The following MTSS1 variants were observed in gnomAD, a reference collection of about 807,000 sequenced individuals.
MTSS1 encodes protein MTSS 1.
Under a neutral mutation model 79.0 loss-of-function variants are expected in MTSS1, and 18 were observed. That is an observed-to-expected ratio of 0.23 (90% CI 0.16 to 0.34). The LOEUF is 0.34. Ranked by LOEUF, MTSS1 falls within the 10% of genes least tolerant of loss-of-function variation. MTSS1 has a pLI of 1.00. For missense variants in MTSS1, 815 were observed against 986.2 expected, an observed-to-expected ratio of 0.83 and a Z score of 2.33; for synonymous variants, 341 against 368.6, an observed-to-expected ratio of 0.93 and a Z score of 0.86.
intron 10 of MTSS1, among the ~76,000 whole-genome samples, chr8:124,560,148 G>A (rs74398285): frequency 1.3e-5 from 2 of 152,304 alleles, no homozygotes; most frequent in East Asian, 3.9e-4. Context: ...GAAGATGGAA[G>A]GTTTGGATTT....
chr8:124,557,133 T>A (rs1237291219), intron 11 of MTSS1, among the ~76,000 whole-genome samples: 2 of 152,206 alleles, frequency 1.3e-5, no homozygotes, highest in African/African-American at 4.8e-5. Flanking sequence ...AGCAAACATG[T>A]TTGAACACTC....
intron 9 of MTSS1, chr8:124,563,309 C>T (rs927709303): frequency 5.6e-6 from 2 of 355,702 alleles, no homozygotes; most frequent in African/African-American, 4.3e-5. Context: ...TCAAGTGCGC[C>T]CAACTCTGCT....
Position 124,553,098 on chromosome 8 carries a change from C to T in MTSS1, c.2162G>A (p.Ser721Asn). The change falls in exon 14 of 14, where the codon AGC (serine) becomes AAC (asparagine). Residue 721 changes from serine to asparagine, a missense_variant. Transcript: ENST00000518547. This position sits in a 1 kb window ranked among gnomAD's most constrained non-coding sequence, Gnocchi z 6.0. ...TTCTCCTTGTGGAGTATCCCTTGGG[C>T]TCAGGTCTGCAGGGTCACTCTCTGG... ...QIPESDPADL[S>N]PRDTPQGEDM... 6.2e-7 allele frequency: 1 copy of T among 1,614,116 alleles called. No homozygotes were observed. The highest frequency in any genetic ancestry group is 1.7e-5 in the Admixed American group (1 of 60,010).
intron 3 of MTSS1, among the ~76,000 whole-genome samples, chr8:124,687,374 C>T (rs1050350404): frequency 7.2e-5 from 11 of 152,186 alleles, no homozygotes; most frequent in African/African-American, 2.4e-4. Flanking sequence ...ACAAGCAACA[C>T]CTCTTGCACT....
chr8:124,674,810 T>C (rs71516753), intron 3 of MTSS1, among the ~76,000 whole-genome samples: 9,357 of 152,078 alleles, frequency 0.062, 306 homozygotes, highest in East Asian at 0.075. Flanking sequence ...CAACCTCTGC[T>C]TCCCAGGTTC....
At chr8:124,709,008 G>C (rs745337588) in intron 1 of MTSS1, among the ~76,000 whole-genome samples, 1 of 151,658 alleles carries the variant, frequency 6.6e-6, no homozygotes, top group Non-Finnish European at 1.5e-5. Flanking sequence ...AGATATTTTT[G>C]TAAGTTTCTT....
intron 3 of MTSS1, among the ~76,000 whole-genome samples, chr8:124,689,203 G>A (rs1158667500): frequency 6.6e-6 from 1 of 152,114 alleles, no homozygotes; most frequent in Non-Finnish European, 1.5e-5. Context: ...GAAAATTTTA[G>A]TTCCAACTAG....
intron 3 of MTSS1, among the ~76,000 whole-genome samples, chr8:124,671,488 T>G (rs910835091): frequency 6.6e-6 from 1 of 152,328 alleles, no homozygotes; most frequent in African/African-American, 2.4e-5. Flanking sequence ...CCCTCCTGGC[T>G]GCCTTCTACT....
In MTSS1 at chr8:124,557,743, A is replaced by G. The variant is rs894858166; in HGVS notation, c.1168T>C (p.Tyr390His). ...PRVTSVHLPD[Y>H]AHYYTIGPGM... is the part of the protein sequence containing the mutation. ...GGCCCAATGGTGTAATAATGAGCGTAGTCTGGAAGGTGGACAGAGGTGACC... is the reference window on the plus strand; with the variant it reads ...GGCCCAATGGTGTAATAATGAGCGTGGTCTGGAAGGTGGACAGAGGTGACC... The change falls in exon 11 of 14, where the codon TAC (tyrosine) becomes CAC (histidine). Residue 390 changes from tyrosine to histidine, a missense_variant. Coordinates refer to ENST00000518547, the MANE Select transcript of MTSS1 (RefSeq NM_014751.6). The G allele has an allele frequency of 1.2e-6, 2 of 1,603,040 alleles. No individual in the cohort carries two copies. The highest frequency in any genetic ancestry group is 1.7e-5 in the Admixed American group (1 of 58,562).
rs576580252 is a variant in MTSS1 at position 124,691,733 on chromosome 8, C to T, written c.208+7793G>A. 1.7e-4 allele frequency among the ~76,000 whole-genome samples: 26 copies of T among 152,272 alleles called. No individual in the cohort carries two copies. In the South Asian group the frequency reaches 4.8e-3, roughly 28 times the overall value. On this transcript the variant is annotated intron_variant, in intron 3 of 13. Transcript: ENST00000518547. ...GTTTCACCATATTGGCCAGGCTGGTCTCGAACTGCTGACCTCAAGTGATCC... is the reference window on the plus strand; with the variant it reads ...GTTTCACCATATTGGCCAGGCTGGTTTCGAACTGCTGACCTCAAGTGATCC...
chr8:124,624,056 G>T (rs1814156218), intron 3 of MTSS1, among the ~76,000 whole-genome samples: 1 of 152,224 alleles, frequency 6.6e-6, no homozygotes, highest in African/African-American at 2.4e-5. Context: ...CTTCGTGTGG[G>T]TGAACTGATA....
At chr8:124,555,412 AT>A (rs895475622) in intron 13 of MTSS1, among the ~76,000 whole-genome samples, 1 of 151,816 alleles carries the variant, frequency 6.6e-6, no homozygotes, top group African/African-American at 2.4e-5. Context: ...CGCCCGGCTA[AT>A]TTTTTTGTAT....
chr8:124,717,267 A>G (rs1243736601), intron 1 of MTSS1, among the ~76,000 whole-genome samples: 5 of 152,226 alleles, frequency 3.3e-5, no homozygotes, highest in South Asian at 4.2e-4. Context: ...CAAGGCGGGC[A>G]GATCACTTGA....
chr8:124,726,068 C>G (rs540017102), intron 1 of MTSS1, among the ~76,000 whole-genome samples: 134 of 152,128 alleles, frequency 8.8e-4, no homozygotes, highest in Non-Finnish European at 1.5e-3. Flanking sequence ...AGTCAGGATA[C>G]ACAAACTCTA....
At chr8:124,617,341 C>T (rs899836122) in intron 3 of MTSS1, among the ~76,000 whole-genome samples, 6 of 152,148 alleles carry the variant, frequency 3.9e-5, no homozygotes, top group African/African-American at 1.4e-4. Flanking sequence ...TCCCAGGGGG[C>T]TCCCATTCAG....
At chr8:124,680,650 A>C (rs553033709) in intron 3 of MTSS1, among the ~76,000 whole-genome samples, 1 of 152,358 alleles carries the variant, frequency 6.6e-6, no homozygotes, top group South Asian at 2.1e-4. Flanking sequence ...CTTCCATGAT[A>C]GTTATGTCTT....
chr8:124,580,490 A>G, intron 6 of MTSS1: 2 of 1,528,204 alleles, frequency 1.3e-6, no homozygotes, highest in Non-Finnish European at 1.8e-6. Flanking sequence ...ACAACCACGG[A>G]AAGCCCACAG....
intron 3 of MTSS1, among the ~76,000 whole-genome samples, chr8:124,666,721 G>A (rs527419709): frequency 3.7e-4 from 56 of 152,246 alleles, no homozygotes; most frequent in Non-Finnish European, 4.6e-4. Context: ...GGTGGAGGGA[G>A]AATGAGGAGG....
intron 1 of MTSS1, among the ~76,000 whole-genome samples, chr8:124,710,225 G>A (rs1310451610): frequency 6.6e-6 from 1 of 152,226 alleles, no homozygotes; most frequent in Non-Finnish European, 1.5e-5. Flanking sequence ...TGGGACAGGT[G>A]AGGAAGACCG....
Sources: allele counts gnomAD v4.1 joint callset (sites outside exome capture counted in the v4.1 genomes callset), GRCh38; gene constraint gnomAD v4.1.1; non-coding constraint Gnocchi (gnomAD v3.1); transcripts MANE v1.5; gene names NCBI Gene and HGNC (gene_info 2026-07-23, HGNC 2026-07-21).